FAAH2: variants seen among roughly 807,000 people sequenced by gnomAD.
FAAH2 encodes the protein fatty-acid amide hydrolase 2.
In FAAH2, 60 loss-of-function variants were observed where a neutral mutation model predicts 36.9. The observed-to-expected ratio is 1.63, with a 90% CI of 1.32 to 2.02. The LOEUF (loss-of-function observed/expected upper bound fraction) is 2.02. FAAH2 is among the 30% of genes most tolerant of loss of function. The pLI is 0.00. For missense variants in FAAH2, 689 were observed against 397.5 expected (o/e 1.73, Z -6.23); for synonymous variants, 214 against 143.8 (o/e 1.49, Z -3.49).
chrX:57,474,191 G>A (rs747567556), intron 10 of FAAH2, among the ~76,000 whole-genome samples: 8 of 111,068 alleles, frequency 7.2e-5, no homozygotes, highest in Non-Finnish European at 1.1e-4. Flanking sequence ...CAATCTAGTG[G>A]TGATTTTTTT....
chrX:57,232,840 A>G, the FAAH2 span, among the ~76,000 whole-genome samples: 6 of 112,491 alleles, frequency 5.3e-5, no homozygotes, highest in South Asian at 3.6e-4. Context: ...ACTCAGTGGT[A>G]TCTCTACAAA....
intron 3 of FAAH2, among the ~76,000 whole-genome samples, chrX:57,311,050 G>A (rs939262727): frequency 5.1e-4 from 57 of 111,989 alleles, no homozygotes; most frequent in African/African-American, 1.6e-3. Context: ...TTAGGCTAAA[G>A]CCAAGCTTGA....
At chrX:57,127,692 T>A in the FAAH2 span, among the ~76,000 whole-genome samples, 13 of 111,851 alleles carry the variant, frequency 1.2e-4, no homozygotes, top group African/African-American at 4.2e-4. Flanking sequence ...CTATAATGAA[T>A]GAAATAGACC....
At chrX:57,349,213 A>G (rs1240048746) in intron 5 of FAAH2, among the ~76,000 whole-genome samples, 6 of 88,742 alleles carry the variant, frequency 6.8e-5, no homozygotes, top group Admixed American at 1.5e-4. Context: ...ACATATATAC[A>G]TATATATGTG....
chrX:57,352,099 T>TATATATGTGTATATATATACAC (rs2054033478), intron 5 of FAAH2, among the ~76,000 whole-genome samples: 3 of 14,747 alleles, frequency 2.0e-4, no homozygotes, highest in African/African-American at 9.2e-4. Context: ...TATGCACATA[T>TATATATGTGTATATATATACAC]ATATATATGT....
intron 2 of FAAH2, among the ~76,000 whole-genome samples, chrX:57,308,568 C>T (rs937987349): frequency 1.8e-5 from 2 of 111,448 alleles, no homozygotes; most frequent in African/African-American, 6.5e-5. Flanking sequence ...AATATTTTCT[C>T]CTATTCTGTA....
chrX:57,468,245 G>C (rs2057088771), intron 10 of FAAH2, among the ~76,000 whole-genome samples: 1 of 112,092 alleles, frequency 8.9e-6, no homozygotes, highest in African/African-American at 3.2e-5. Context: ...AAGCTGGATG[G>C]AGAATGACTT....
At chrX:57,205,288 G>A in the FAAH2 span, among the ~76,000 whole-genome samples, 1 of 112,464 alleles carries the variant, frequency 8.9e-6, no homozygotes, top group African/African-American at 3.2e-5. Context: ...ATTAACATTG[G>A]TTAAATTGTG....
At chrX:57,361,778 T>A (rs185405168) in intron 5 of FAAH2, among the ~76,000 whole-genome samples, 1 of 112,042 alleles carries the variant, frequency 8.9e-6, no homozygotes, top group African/African-American at 3.2e-5. Flanking sequence ...ATAAAATGCA[T>A]CCTTTTCTCT....
At chrX:57,464,108 G>A (rs1279669186) in intron 10 of FAAH2, among the ~76,000 whole-genome samples, 1 of 111,772 alleles carries the variant, frequency 8.9e-6, no homozygotes, top group Non-Finnish European at 1.9e-5. Context: ...CCTTTGCAGG[G>A]ACTTGGATGA....
intron 8 of FAAH2, among the ~76,000 whole-genome samples, chrX:57,437,359 G>A (rs773299445): frequency 9.1e-6 from 1 of 110,417 alleles, no homozygotes; most frequent in African/African-American, 3.3e-5. Context: ...ATTCAACACA[G>A]TACTGAAAGT....
chrX:57,282,482 A>C (rs150920657), upstream of FAAH2, among the ~76,000 whole-genome samples: 307 of 111,485 alleles, frequency 2.8e-3, no homozygotes, highest in African/African-American at 9.4e-3. Flanking sequence ...ATGTTTGTGA[A>C]TATTTCCCCC....
chrX:57,434,910 C>G (rs779090551), intron 8 of FAAH2, among the ~76,000 whole-genome samples: 1 of 111,098 alleles, frequency 9.0e-6, no homozygotes, highest in Admixed American at 9.6e-5. Context: ...GAAACCCCAT[C>G]AGACTAAGAA....
intron 7 of FAAH2, among the ~76,000 whole-genome samples, chrX:57,411,531 T>C (rs959931446): frequency 9.0e-6 from 1 of 111,577 alleles, no homozygotes; most frequent in Non-Finnish European, 1.9e-5. Flanking sequence ...GTAAGTAGTA[T>C]TCATGACTGA....
the FAAH2 span, among the ~76,000 whole-genome samples, chrX:57,189,690 CT>C: frequency 9.0e-6 from 1 of 111,621 alleles, no homozygotes; most frequent in Admixed American, 9.5e-5. Context: ...ACTCCAGACC[CT>C]ATTTGTTTGG....
intron 5 of FAAH2, among the ~76,000 whole-genome samples, chrX:57,374,831 T>C (rs921049209): frequency 1.1e-4 from 12 of 111,494 alleles, no homozygotes; most frequent in African/African-American, 3.9e-4. Flanking sequence ...TTCAGTATTA[T>C]GTTGGCTGTG....
the FAAH2 span, among the ~76,000 whole-genome samples, chrX:57,233,828 G>A: frequency 2.7e-5 from 3 of 112,230 alleles, no homozygotes; most frequent in East Asian, 8.5e-4. Flanking sequence ...GATATTTTGT[G>A]GAGATAGGGT....
At chrX:57,240,693 C>T in the FAAH2 span, among the ~76,000 whole-genome samples, 1 of 112,283 alleles carries the variant, frequency 8.9e-6, no homozygotes. Flanking sequence ...GTAGGGGAGA[C>T]TGTGGGTGAG....
chrX:57,379,264 C>T (rs763487769), intron 6 of FAAH2, among the ~76,000 whole-genome samples: 8 of 110,911 alleles, frequency 7.2e-5, no homozygotes, highest in Non-Finnish European at 1.3e-4. Flanking sequence ...TTTCCTTTAC[C>T]CTCAAGTAAA....
Sources: allele counts gnomAD v4.1 joint callset (sites outside exome capture counted in the v4.1 genomes callset), GRCh38; gene constraint gnomAD v4.1.1; transcripts MANE v1.5; gene names NCBI Gene and HGNC (gene_info 2026-07-23, HGNC 2026-07-21).